CA5A: variants seen among roughly 807,000 people sequenced by gnomAD.
CA5A encodes the protein carbonic anhydrase 5A, mitochondrial.
CA5A carries 28 observed loss-of-function variants against 37.1 expected under a neutral mutation model. That is an observed-to-expected ratio of 0.75 (90% CI 0.56 to 1.03). The LOEUF (loss-of-function observed/expected upper bound fraction) is 1.03, where lower values mean the gene tolerates loss of function less well. CA5A is among the 50% of genes least tolerant of loss of function. The probability of loss-of-function intolerance (pLI) is 0.00; values close to 1 mark genes in which losing one functional copy is unlikely to be tolerated. For missense variants in CA5A, 444 were observed against 399.9 expected (o/e 1.11, Z -0.94); for synonymous variants, 171 against 158.4 (o/e 1.08, Z -0.60).
intron 1 of CA5A, among the ~76,000 whole-genome samples, chr16:87,930,771 CCTT>C (rs2056391749): frequency 6.7e-6 from 1 of 150,342 alleles, no homozygotes; most frequent in South Asian, 2.1e-4. Flanking sequence ...GACAGAGTCT[CCTT>C]CTGTGGCCCA....
chr16:87,914,183 A>G (rs1185444537), intron 2 of CA5A, among the ~76,000 whole-genome samples: 3 of 152,344 alleles, frequency 2.0e-5, no homozygotes, highest in Non-Finnish European at 4.4e-5. Context: ...CGTATGGAGC[A>G]GAAATGTGTT....
intron 2 of CA5A, among the ~76,000 whole-genome samples, chr16:87,905,262 A>G (rs1245303471): frequency 6.6e-6 from 1 of 152,250 alleles, no homozygotes; most frequent in Non-Finnish European, 1.5e-5. Flanking sequence ...TTTAATTAAA[A>G]AAAAAGGTGT....
intron 1 of CA5A, among the ~76,000 whole-genome samples, chr16:87,928,756 CTTTGTT>C (rs2056352047): frequency 1.8e-5 from 2 of 108,136 alleles, no homozygotes; most frequent in South Asian, 3.0e-4. Context: ...ATTTTCTTTT[CTTTGTT>C]TTTTTTTTTT....
chr16:87,927,829 C>G (rs2056333879), intron 1 of CA5A, among the ~76,000 whole-genome samples: 1 of 150,180 alleles, frequency 6.7e-6, no homozygotes, highest in African/African-American at 2.5e-5. Context: ...CCACTGCACT[C>G]CAGCCTGGGG....
In CA5A at chr16:87,936,439, C is replaced by T; in HGVS notation, c.12G>A (p.Arg4=). 1.9e-6 allele frequency: 3 copies of T among 1,613,892 alleles called. No homozygotes were observed. The highest frequency in any genetic ancestry group is 2.5e-6 in the Non-Finnish European group (3 of 1,179,874). ...AGAAAGCTGAGGTCTTCCAAGTGTT[C>T]CTCCCCAACATCTTGGGTCTGTTCC... MLG[R]NTWKTSAFSF... The change falls in exon 1 of 7, where the codon AGG becomes AGA. Residue 4 remains arginine, a synonymous_variant. Transcript: ENST00000649794.
At chr16:87,919,685 G>A (rs1381607922) in intron 2 of CA5A, among the ~76,000 whole-genome samples, 2 of 152,130 alleles carry the variant, frequency 1.3e-5, no homozygotes, top group African/African-American at 4.8e-5. Flanking sequence ...CCACTTTGAG[G>A]TGGGGTTCTG....
chr16:87,898,538 C>T (rs1225529339), intron 5 of CA5A, among the ~76,000 whole-genome samples: 4 of 152,176 alleles, frequency 2.6e-5, no homozygotes, highest in Admixed American at 6.5e-5. Context: ...CAACAAAAAG[C>T]GATTTTAACC....
intron 5 of CA5A, among the ~76,000 whole-genome samples, chr16:87,895,960 G>A (rs1249201083): frequency 6.6e-6 from 1 of 152,156 alleles, no homozygotes; most frequent in Non-Finnish European, 1.5e-5. Flanking sequence ...GTAACAGGCG[G>A]GTGTGCAGTG....
chr16:87,894,808 T>C (rs2055777663), intron 5 of CA5A, among the ~76,000 whole-genome samples: 1 of 151,922 alleles, frequency 6.6e-6, no homozygotes, highest in Non-Finnish European at 1.5e-5. Context: ...TGGCACAGGA[T>C]GCAGAGGTTG....
chr16:87,892,534 TAA>T lies in CA5A; in HGVS notation c.619-582_619-581del, dbSNP rs1567515008. Reference sequence around the variant, plus strand: ...CAAATAATAATAATAATAATAATAATAATAATAATAATAATAATAATAAATTA... The same window carrying T: ...CAAATAATAATAATAATAATAATAATTAATAATAATAATAATAATAAATTA... On this transcript the variant is annotated intron_variant, in intron 5 of 6. Transcript: ENST00000649794. Among the ~76,000 whole-genome samples, 289 of 138,528 alleles carry T rather than the reference TAA, an allele frequency of 2.1e-3. 3 individuals are homozygous for T. Among genetic ancestry groups the T allele is most frequent in the African/African-American group, 7.3e-3 (277 of 37,946 alleles). 90.9% of individuals were successfully genotyped at this position (138,528 alleles called of 152,430 possible).
chr16:87,919,273 C>G (rs553254579), intron 2 of CA5A, among the ~76,000 whole-genome samples: 10 of 152,316 alleles, frequency 6.6e-5, no homozygotes, highest in African/African-American at 2.4e-4. Context: ...GTGAGGAGGG[C>G]GCCCCATCCT....
At chr16:87,898,715 C>G (rs1368204098) in intron 5 of CA5A, among the ~76,000 whole-genome samples, 1 of 150,128 alleles carries the variant, frequency 6.7e-6, no homozygotes, top group Non-Finnish European at 1.5e-5. Flanking sequence ...GGTGAGAATG[C>G]TGCTCTAGTG....
intron 6 of CA5A, among the ~76,000 whole-genome samples, chr16:87,889,010 C>T (rs1231307788): frequency 1.3e-5 from 2 of 151,636 alleles, no homozygotes; most frequent in African/African-American, 2.4e-5. Context: ...ACTTCTGCCT[C>T]CTGGGTTCAA....
rs115921091 is a variant in CA5A, at chr16:87,905,272, T to A, written c.341-368A>T. Among the ~76,000 whole-genome samples, 965 of 152,254 alleles carry A rather than the reference T, an allele frequency of 6.3e-3. 13 individuals carry two copies. Among genetic ancestry groups the A allele is most frequent in the African/African-American group, 0.022 (915 of 41,532 alleles). On this transcript the variant is annotated intron_variant, in intron 2 of 6. Transcript: ENST00000649794. ...CAGACTTTAATTAAAAAAAAAGGTGTCTTCCAAATATTTTTTAAAAGCAGC... is the reference window on the plus strand; with the variant it reads ...CAGACTTTAATTAAAAAAAAAGGTGACTTCCAAATATTTTTTAAAAGCAGC...
intron 5 of CA5A, among the ~76,000 whole-genome samples, chr16:87,895,794 G>A (rs1293310117): frequency 6.6e-6 from 1 of 152,012 alleles, no homozygotes; most frequent in Non-Finnish European, 1.5e-5. Flanking sequence ...CTCTCACTCA[G>A]CACGGCGCTT....
Position 87,936,483 on chromosome 16 carries a change from G to C in CA5A, c.-33C>G. On this transcript the variant is annotated 5_prime_UTR_variant, in exon 1 of 7. Transcript: ENST00000649794. ...CTGTTCCCACTGACTCCAGTCTGAA[G>C]AGGGTGATGTTCCCTGCTGTCTGTT... The C allele has an allele frequency of 1.2e-6, 2 of 1,611,990 alleles. No homozygotes were observed.
intron 1 of CA5A, among the ~76,000 whole-genome samples, chr16:87,930,858 A>G (rs2056392947): frequency 6.6e-6 from 1 of 151,104 alleles, no homozygotes; most frequent in South Asian, 2.1e-4. Flanking sequence ...CTCCTGCCTC[A>G]GCCTCCCAAG....
rs150026799 is a variant in CA5A at position 87,933,662 on chromosome 16, A to C, written c.142+2647T>G. ...CCTCCCAAAACAGTGCTGGGATTAC[A>C]GGTGTGAGCCCCCATGCCTGGTTCT... On this transcript the variant is annotated intron_variant, in intron 1 of 6. Transcript: ENST00000649794. Among the ~76,000 whole-genome samples, 537 of 152,204 alleles carry C rather than the reference A, an allele frequency of 3.5e-3. 4 individuals are homozygous for C. The highest frequency in any genetic ancestry group is 6.2e-3 in the East Asian group (32 of 5,182).
At chr16:87,925,470 G>A (rs1461533757) in intron 2 of CA5A, 2 of 152,182 alleles carry the variant, frequency 1.3e-5, no homozygotes, top group African/African-American at 2.4e-5. Flanking sequence ...GTGCCCAAGG[G>A]TTTATTGGGA....
Sources: gnomAD v4.1 joint callset for allele counts (sites outside exome capture counted in the v4.1 genomes callset) on GRCh38, gnomAD v4.1.1 for gene constraint, MANE v1.5 for transcripts, NCBI Gene and HGNC (gene_info 2026-07-23, HGNC 2026-07-21) for gene names.